Variants in FGD3 observed in about 807,000 individuals in gnomAD.
The protein encoded by FGD3 is FYVE, RhoGEF and PH domain containing 3, also known as FYVE, RhoGEF and PH domain-containing protein 3.
Under a neutral mutation model 71.8 loss-of-function variants are expected in FGD3, and 45 were observed. The ratio of observed to expected loss-of-function variants is 0.63; its 90% CI spans 0.49 to 0.80. The LOEUF is 0.80. Among genes scored for constraint, FGD3 ranks in the 30% least tolerant of loss-of-function variants. The pLI is 0.00. For missense variants in FGD3, 844 were observed against 951.5 expected (o/e 0.89, Z 1.49); for synonymous variants, 378 against 392.8 (o/e 0.96, Z 0.44).
chr9:93,016,300 C>A (rs1158281135), intron 10 of FGD3, among the ~76,000 whole-genome samples: 1 of 151,662 alleles, frequency 6.6e-6, no homozygotes, highest in African/African-American at 2.4e-5. Flanking sequence ...GGGGAGGGTT[C>A]CAGGCAGATC....
At chr9:92,981,370 A>G (rs1306280674) in intron 3 of FGD3, among the ~76,000 whole-genome samples, 3 of 148,296 alleles carry the variant, frequency 2.0e-5, no homozygotes, top group Admixed American at 1.3e-4. Flanking sequence ...TCCATCTCCA[A>G]AAAAAAAAAA....
At chr9:92,981,035 T>C (rs1859973175) in intron 3 of FGD3, among the ~76,000 whole-genome samples, 1 of 151,052 alleles carries the variant, frequency 6.6e-6, no homozygotes. Context: ...TGGATTTTCA[T>C]TGTGTTATTG....
At chr9:92,956,834 C>CTTTTTTTT (rs34469364) in intron 1 of FGD3, among the ~76,000 whole-genome samples, 2 of 127,750 alleles carry the variant, frequency 1.6e-5, no homozygotes, top group African/African-American at 6.3e-5. Context: ...TAATTGCTTT[C>CTTTTTTTT]TTTCTTTTTT....
At chr9:92,974,302 T>TA (rs1157466695) in intron 1 of FGD3, among the ~76,000 whole-genome samples, 2 of 152,252 alleles carry the variant, frequency 1.3e-5, no homozygotes, top group Non-Finnish European at 2.9e-5. Flanking sequence ...AACCTGAGTT[T>TA]ATCTCTTGTG....
chr9:92,961,924 G>C (rs1373447943), intron 1 of FGD3, among the ~76,000 whole-genome samples: 2 of 152,176 alleles, frequency 1.3e-5, no homozygotes, highest in African/African-American at 4.8e-5. Flanking sequence ...TGTATGGCCT[G>C]GCCTTGGAAG....
Position 93,004,106 on chromosome 9 carries a change from C to T in FGD3, c.649C>T (p.Pro217Ser), listed in dbSNP as rs1329647010. 1 of 1,614,014 alleles carries T rather than the reference C, an allele frequency of 6.2e-7. No individual in the cohort carries two copies. Among genetic ancestry groups the T allele is most frequent in the Non-Finnish European group, 8.5e-7 (1 of 1,180,048 alleles). The part of the protein sequence containing the change: ...IHRFHGQFLL[P>S]ELKTRITEEW... Reference sequence around the variant, plus strand: ...CCGCTTCCACGGGCAGTTCCTGCTGCCGGAGCTGAAGACGCGGATCACGGA... The same window carrying T: ...CCGCTTCCACGGGCAGTTCCTGCTGTCGGAGCTGAAGACGCGGATCACGGA... The change falls in exon 5 of 18, where the codon CCG becomes TCG. Residue 217 changes from proline (P) to serine (S), a missense_variant. Physicochemically the swap from Pro to Ser is moderately conservative, Grantham distance 74. Transcript: ENST00000375482.
In FGD3 at chr9:93,035,856, A is replaced by G. The variant is rs568362675; in HGVS notation, c.*267A>G. The stretch of plus-strand genomic sequence containing the variant: ...GCAGGGGCCGACTGCCAAAGTAACC[A>G]TCATCCATATGGGCCGTGTGGTGAT... On this transcript the variant is annotated 3_prime_UTR_variant, in exon 18 of 18. Coordinates refer to ENST00000375482, the MANE Select transcript of FGD3 (RefSeq NM_001083536.2). 3 of 470,474 alleles carry G rather than the reference A, an allele frequency of 6.4e-6. No individual in the cohort carries two copies. Among genetic ancestry groups the G allele is most frequent in the Non-Finnish European group, 1.1e-5 (3 of 267,332 alleles). 29.1% of individuals were successfully genotyped at this position (470,474 alleles called of 1,614,324 possible).
At chr9:92,994,803 C>T (rs1394471442) in intron 3 of FGD3, among the ~76,000 whole-genome samples, 2 of 151,920 alleles carry the variant, frequency 1.3e-5, no homozygotes, top group African/African-American at 4.8e-5. Context: ...GTATTATTTC[C>T]GGGGGCTCTA....
At position 93,018,167 on chromosome 9, in the gene FGD3, A is replaced by G. The variant is rs1018345315; in HGVS notation, c.1307A>G (p.His436Arg). ...GATATCGTCAAGCCAAACACAGCAC[A>G]TACATTCATCATAACAGGAAGAAAA... ...VQDIVKPNTA[H>R]TFIITGRKRS... Residue 436 changes from histidine to arginine, a missense_variant, in exon 11 of 18, where the codon CAT becomes CGT. Physicochemically the swap from His to Arg is conservative, Grantham distance 29. Transcript: ENST00000375482. 6.2e-7 allele frequency: 1 copy of G among 1,614,216 alleles called. No individual in the cohort carries two copies. Among genetic ancestry groups the G allele is most frequent in the Non-Finnish European group, 8.5e-7 (1 of 1,180,034 alleles).
chr9:92,970,388 C>G (rs1859488433), intron 1 of FGD3, among the ~76,000 whole-genome samples: 1 of 152,186 alleles, frequency 6.6e-6, no homozygotes, highest in African/African-American at 2.4e-5. Context: ...GGACTGCAGC[C>G]AGGGAGACAC....
At chr9:93,028,664 G>A (rs1311977711) in intron 14 of FGD3, among the ~76,000 whole-genome samples, 9 of 152,194 alleles carry the variant, frequency 5.9e-5, no homozygotes, top group Admixed American at 3.9e-4. Flanking sequence ...CTTGCCAAAC[G>A]CAGTCGGGGT....
chr9:92,996,559 T>C (rs1336121794), intron 3 of FGD3, among the ~76,000 whole-genome samples: 1 of 152,218 alleles, frequency 6.6e-6, no homozygotes, highest in East Asian at 1.9e-4. Flanking sequence ...GTTCTTTTAA[T>C]TGTGATGTTA....
chr9:93,034,336 T>G (rs538602991), intron 16 of FGD3: 1 of 547,582 alleles, frequency 1.8e-6, no homozygotes, highest in East Asian at 3.4e-5. Context: ...AAACCCCATC[T>G]GATACCACAC....
Position 92,969,236 on chromosome 9 carries a change from C to T in FGD3, c.-217-6002C>T, listed in dbSNP as rs1859445981. 1.3e-5 allele frequency among the ~76,000 whole-genome samples: 2 copies of T among 152,244 alleles called. No homozygotes were observed. Among genetic ancestry groups the T allele is most frequent in the South Asian group, 2.1e-4 (1 of 4,836 alleles). Reference sequence around the variant, plus strand: ...GCTGGGACCCATTGCATAAGGCTTCCCCCAAAGGCTTCAGGCCTGGCTGCC... The same window carrying T: ...GCTGGGACCCATTGCATAAGGCTTCTCCCAAAGGCTTCAGGCCTGGCTGCC... On this transcript the variant is annotated intron_variant, in intron 1 of 17. Coordinates refer to ENST00000375482, the MANE Select transcript of FGD3 (RefSeq NM_001083536.2). The surrounding 1 kb of genome is among the most constrained non-coding windows in gnomAD (Gnocchi z 4.5).
chr9:92,962,908 C>G (rs1859197021), intron 1 of FGD3, among the ~76,000 whole-genome samples: 2 of 150,402 alleles, frequency 1.3e-5, no homozygotes, highest in African/African-American at 4.9e-5. Flanking sequence ...CCACTGCACT[C>G]CAGCCTGGGC....
At chr9:93,008,577 T>C (rs1256303677) in intron 6 of FGD3, among the ~76,000 whole-genome samples, 1 of 152,204 alleles carries the variant, frequency 6.6e-6, no homozygotes, top group Non-Finnish European at 1.5e-5. Context: ...TCCTGCCCGG[T>C]GACGCAGTCT....
intron 3 of FGD3, among the ~76,000 whole-genome samples, chr9:92,977,277 A>G (rs1378975927): frequency 6.6e-6 from 1 of 152,106 alleles, no homozygotes; most frequent in Non-Finnish European, 1.5e-5. Flanking sequence ...ATGGGGCTGC[A>G]TGGAGGGAGT....
At chr9:92,973,757 C>T (rs1038194058) in intron 1 of FGD3, among the ~76,000 whole-genome samples, 4 of 152,192 alleles carry the variant, frequency 2.6e-5, no homozygotes, top group Admixed American at 2.0e-4. Flanking sequence ...TTTCTCTGGC[C>T]TCATGTGCTC....
chr9:93,012,693 G>C (rs905497370), intron 8 of FGD3, among the ~76,000 whole-genome samples: 4 of 96,798 alleles, frequency 4.1e-5, no homozygotes, highest in African/African-American at 5.4e-5. Flanking sequence ...GTGGCGGGGT[G>C]TGGGGGGGGG....
Sources: gnomAD v4.1 joint callset for allele counts (sites outside exome capture counted in the v4.1 genomes callset) on GRCh38, gnomAD v4.1.1 for gene constraint, Gnocchi (gnomAD v3.1) non-coding constraint, MANE v1.5 for transcripts, NCBI Gene and HGNC (gene_info 2026-07-23, HGNC 2026-07-21) for gene names.